PNPLA7: variants seen among roughly 807,000 people sequenced by gnomAD.
The protein encoded by PNPLA7 is patatin-like phospholipase domain-containing protein 7.
In PNPLA7, 153 loss-of-function variants were observed where a neutral mutation model predicts 161.7. The observed-to-expected ratio is 0.95, with a 90% CI of 0.83 to 1.08. The LOEUF (loss-of-function observed/expected upper bound fraction) is 1.08, where lower values mean the gene tolerates loss of function less well. Ranked by LOEUF, PNPLA7 falls within the 50% of genes least tolerant of loss-of-function variation. The pLI is 0.00. For missense variants in PNPLA7, 1,739 were observed against 1,856.6 expected, an observed-to-expected ratio of 0.94 and a Z score of 1.16; for synonymous variants, 809 against 782.1, an observed-to-expected ratio of 1.03 and a Z score of -0.57.
chr9:137,480,250 G>A, intron 23 of PNPLA7, 62 bp downstream of exon 23: 1 of 1,543,416 alleles, frequency 6.5e-7, no homozygotes, highest in Non-Finnish European at 8.7e-7. Context: ...CAAAGGAAAA[G>A]AGAAACAGGA....
At chr9:137,493,150 T>C in intron 19 of PNPLA7, 68 bp from the exon 20 acceptor site, 7 of 1,515,292 alleles carry the variant, frequency 4.6e-6, no homozygotes, top group Non-Finnish European at 6.4e-6. Flanking sequence ...CCAAAGACAG[T>C]GATGCTCAAC....
chr9:137,462,542 G>A (rs1588525189), intron 30 of PNPLA7, 143 bp downstream of exon 30: 2 of 1,401,558 alleles, frequency 1.4e-6, no homozygotes, highest in African/African-American at 2.9e-5. Flanking sequence ...CCCGAGTTGG[G>A]CTCAGGCAGG....
chr9:137,478,435 G>GCCAGAGAGTGGGCCCGGGTGGGGGT (rs1832046591), intron 24 of PNPLA7: 2 of 320,090 alleles, frequency 6.2e-6, no homozygotes, highest in African/African-American at 4.3e-5. Context: ...CGGGTGGGGG[G>GCCAGAGAGTGGGCCCGGGTGGGGGT]CCAGAAGGCA....
intron 16 of PNPLA7, 125 bp from the exon 17 acceptor site, chr9:137,498,370 T>C (rs1007717278): frequency 7.2e-7 from 1 of 1,383,924 alleles, no homozygotes; most frequent in Non-Finnish European, 9.8e-7. Flanking sequence ...GAGAGACCAC[T>C]GGCAGGGGCT....
In PNPLA7 at chr9:137,537,802, C is replaced by G. The variant is rs1564365251; in HGVS notation, c.747+2840G>C. Among the ~76,000 whole-genome samples the G allele has an allele frequency of 6.6e-6, 1 of 151,894 alleles. No homozygotes were observed. Among genetic ancestry groups the G allele is most frequent in the East Asian group, 1.9e-4 (1 of 5,134 alleles). ...TGCACTGTGATAAGTGAGGCCCAAC[C>G]TGAATATCACAACAAGATCAAGATC... On this transcript the variant is annotated intron_variant, in intron 8 of 34. Coordinates refer to ENST00000406427, the MANE Select transcript of PNPLA7 (RefSeq NM_001098537.3). The surrounding 1 kb of genome is among the most constrained non-coding windows in gnomAD (Gnocchi z 4.5).
At chr9:137,545,615 TTA>T (rs773403737) in intron 4 of PNPLA7, among the ~76,000 whole-genome samples, 171 of 152,370 alleles carry the variant, frequency 1.1e-3, no homozygotes, top group Non-Finnish European at 2.1e-3. Context: ...TTAGATATGA[TTA>T]TATATGAATA....
At chr9:137,507,364 C>T (rs2132359658) in intron 12 of PNPLA7, among the ~76,000 whole-genome samples, 1 of 152,340 alleles carries the variant, frequency 6.6e-6, no homozygotes, top group East Asian at 1.9e-4. Context: ...ATGACCACAC[C>T]TTGTACGTCA....
chr9:137,493,618 C>A (rs575880885), intron 19 of PNPLA7, among the ~76,000 whole-genome samples: 1 of 152,368 alleles, frequency 6.6e-6, no homozygotes, highest in East Asian at 1.9e-4. Flanking sequence ...GCAAAGCTGG[C>A]CCCACAACAG....
At chr9:137,471,208 A>G (rs969473542) in intron 25 of PNPLA7, among the ~76,000 whole-genome samples, 1 of 152,270 alleles carries the variant, frequency 6.6e-6, no homozygotes, top group African/African-American at 2.4e-5. Context: ...CTACAAGAAT[A>G]AATGAATTTA....
intron 33 of PNPLA7, 57 bp from the exon 34 acceptor site, chr9:137,460,794 C>G (rs1321791809): frequency 6.7e-7 from 1 of 1,497,980 alleles, no homozygotes. Context: ...CCGTACCCAG[C>G]ATAGCCACAC....
Position 137,523,363 on chromosome 9 carries a change from G to A in PNPLA7, c.748-506C>T, listed in dbSNP as rs1835133399. On this transcript the variant is annotated intron_variant, in intron 8 of 34. Coordinates refer to ENST00000406427, the MANE Select transcript of PNPLA7 (RefSeq NM_001098537.3). The surrounding 1 kb of genome is among the most constrained non-coding windows in gnomAD (Gnocchi z 4.4). ...TAGGACAGGGAGCGCGCACTGCCGGGTCGCACGAGGCCCAGGTGAGGAGCC... is the reference window on the plus strand; with the variant it reads ...TAGGACAGGGAGCGCGCACTGCCGGATCGCACGAGGCCCAGGTGAGGAGCC... 6.6e-6 allele frequency among the ~76,000 whole-genome samples: 1 copy of A among 152,080 alleles called. No individual in the cohort carries two copies. Among genetic ancestry groups the A allele is most frequent in the South Asian group, 2.1e-4 (1 of 4,826 alleles).
intron 4 of PNPLA7, among the ~76,000 whole-genome samples, chr9:137,545,535 G>T (rs761490616): frequency 2.6e-5 from 4 of 152,198 alleles, no homozygotes; most frequent in Non-Finnish European, 5.9e-5. Flanking sequence ...AGCGGCAAGC[G>T]ACTGAGGGCA....
chr9:137,494,723 G>A (rs1387556652), intron 19 of PNPLA7, among the ~76,000 whole-genome samples: 5 of 142,502 alleles, frequency 3.5e-5, no homozygotes, highest in South Asian at 4.5e-4. Flanking sequence ...CCTGCTCTGC[G>A]CCCTCACCAG....
chr9:137,538,080 T>G (rs551833372), intron 8 of PNPLA7, among the ~76,000 whole-genome samples: 1 of 152,086 alleles, frequency 6.6e-6, no homozygotes, highest in South Asian at 2.1e-4. Context: ...TCCAAAGAGG[T>G]GCACAGAGGT....
At chr9:137,474,856 CAAA>C (rs750987273) in intron 25 of PNPLA7, among the ~76,000 whole-genome samples, 1 of 107,312 alleles carries the variant, frequency 9.3e-6, no homozygotes, top group Admixed American at 9.7e-5. Flanking sequence ...ACTAAAAATA[CAAA>C]AAAAAAAAAA....
rs1331303422 is a variant in PNPLA7, at chr9:137,547,318, T to A, written c.184A>T (p.Arg62Ter). ...VLILFMFRRL[R>*]QFRQAQPTPQ... ...GAACCAAGATACTCACGAAATTGTC[T>A]AAGCCTTCTGAACATGAAAAGGATG... Residue 62 changes from arginine (R) to a stop codon, truncating the protein, a stop_gained, in exon 3 of 35, where the codon AGA (arginine) becomes TGA (stop). Transcript: ENST00000406427. LOFTEE classifies it high-confidence loss of function. The surrounding 1 kb of genome is among the most constrained non-coding windows in gnomAD (Gnocchi z 4.6). 2.5e-6 allele frequency: 4 copies of A among 1,613,440 alleles called. No homozygotes were observed. Among genetic ancestry groups the A allele is most frequent in the Non-Finnish European group, 3.4e-6 (4 of 1,179,956 alleles).
At position 137,462,260 on chromosome 9, in the gene PNPLA7, C is replaced by G. The variant is rs552503134; in HGVS notation, c.3564G>C (p.Lys1188Asn). Residue 1188 changes from lysine to asparagine, a missense_variant, in exon 31 of 35, where the codon AAG becomes AAC. Lys to Asn is a moderately conservative substitution (Grantham distance 94). This residue lies in a region of PNPLA7 where 703 missense variants were observed against 694.6 expected (regional missense o/e 1.01). Coordinates refer to ENST00000406427, the MANE Select transcript of PNPLA7 (RefSeq NM_001098537.3). ...GCAGGTACTCGCAGTAGTCACTGCT[C>G]TTCACCACCTCCAGCTGCCGCACGC... is the stretch of plus-strand genomic sequence containing the variant. Reference protein sequence around the residue: ...VCCVRQLEVVKSSDYCEYLRP... With the variant: ...VCCVRQLEVVNSSDYCEYLRP... 1.2e-6 allele frequency: 2 copies of G among 1,611,798 alleles called. No individual in the cohort carries two copies. The highest frequency in any genetic ancestry group is 8.5e-7 in the Non-Finnish European group (1 of 1,179,298).
chr9:137,496,387 G>T (rs561135661), intron 18 of PNPLA7, among the ~76,000 whole-genome samples: 5 of 152,168 alleles, frequency 3.3e-5, no homozygotes, highest in African/African-American at 1.2e-4. Flanking sequence ...GATTACAGGC[G>T]TGAGCCACCA....
At chr9:137,510,333 C>T (rs1183494037) in intron 12 of PNPLA7, among the ~76,000 whole-genome samples, 1 of 152,202 alleles carries the variant, frequency 6.6e-6, no homozygotes, top group Non-Finnish European at 1.5e-5. Flanking sequence ...TGGTCACGCT[C>T]CTAGTCCACC....
Sources: gnomAD v4.1 joint callset for allele counts (sites outside exome capture counted in the v4.1 genomes callset) on GRCh38, gnomAD v4.1.1 for gene constraint, gnomAD v4.1.1 regional missense constraint, Gnocchi (gnomAD v3.1) non-coding constraint, MANE v1.5 for transcripts, NCBI Gene and HGNC (gene_info 2026-07-23, HGNC 2026-07-21) for gene names.